Variants in SLC16A12 observed in about 807,000 individuals in gnomAD.
SLC16A12 encodes monocarboxylate transporter 12.
A neutral mutation model predicts 42.4 loss-of-function variants in SLC16A12; 17 were observed. That is an observed-to-expected ratio of 0.40 (90% CI 0.27 to 0.60). The LOEUF (loss-of-function observed/expected upper bound fraction) is 0.60. SLC16A12 is among the 20% of genes least tolerant of loss of function. The pLI, the probability that SLC16A12 is intolerant of heterozygous loss-of-function variation, is 0.42. For synonymous variants in SLC16A12, 224 were observed against 229.4 expected (o/e 0.98, Z 0.21); for missense variants, 544 against 623.0 (o/e 0.87, Z 1.35).
rs193142267 is a variant in SLC16A12, at chr10:89,535,195, C to T, written c.-187+247G>A. Among the ~76,000 whole-genome samples the T allele has an allele frequency of 1.4e-3, 210 of 152,112 alleles. 2 individuals are homozygous for T. Among genetic ancestry groups the T allele is most frequent in the African/African-American group, 4.7e-3 (196 of 41,484 alleles). ...ACAAGAGATGGAGATCAAAGCCGCT[C>T]GTTCTCCAGCCACCTGCCCAAAAAC... On this transcript the variant is annotated intron_variant, in intron 1 of 7. Coordinates refer to ENST00000371790, the MANE Select transcript of SLC16A12 (RefSeq NM_213606.4).
intron 3 of SLC16A12, 125 bp from the exon 4 acceptor site, chr10:89,443,984 A>G (rs539994792): frequency 2.1e-5 from 15 of 707,230 alleles, no homozygotes; most frequent in Middle Eastern, 2.8e-4. Context: ...AGACCATAAT[A>G]AGTGGGAAAT....
At position 89,513,300 on chromosome 10, in the gene SLC16A12, T is replaced by C. The variant is rs1191334542; in HGVS notation, c.-47+21201A>G. Among the ~76,000 whole-genome samples the C allele has an allele frequency of 2.6e-5, 4 of 152,214 alleles. No individual in the cohort carries two copies. In the East Asian group the frequency reaches 7.7e-4, roughly 29 times the overall value. On this transcript the variant is annotated intron_variant, in intron 2 of 7. Transcript: ENST00000371790. ...ATTTTAATGGTTGCAAAGTATTTGA[T>C]TGTTTGAATGCACTGTAACTGACTT...
rs1295802200 is a variant in SLC16A12 at position 89,554,033 on chromosome 10, G to GAAGA, written c.-47+1845_-47+1848dup. On this transcript the variant is annotated intron_variant, in intron 2 of 2. Coordinates refer to the SLC16A12 transcript ENST00000475682. ...GAAAGAGAGAAAGAAAGAGAGAAAG[G>GAAGA]AAGAAAGAAAGAAAGAAAGAAAGAA... 2.0e-3 allele frequency among the ~76,000 whole-genome samples: 135 copies of GAAGA among 67,582 alleles called. 3 individuals are homozygous for GAAGA. The Middle Eastern group carries it at 0.022, about 11-fold the overall frequency. 44.3% of individuals were successfully genotyped at this position (67,582 alleles called of 152,430 possible).
At chr10:89,459,662 C>T (rs147926133) in intron 3 of SLC16A12, among the ~76,000 whole-genome samples, 30 of 152,180 alleles carry the variant, frequency 2.0e-4, no homozygotes, top group African/African-American at 1.9e-4. Context: ...AAATGTAGGC[C>T]GGGCATGGTG....
chr10:89,436,339 G>T lies in SLC16A12; in HGVS notation c.1029-20C>A. 6.2e-7 allele frequency: 1 copy of T among 1,613,906 alleles called. No homozygotes were observed. The highest frequency in any genetic ancestry group is 1.1e-5 in the South Asian group (1 of 91,050). ...AGACACCTGTAGATTTGAAGAACAA[G>T]AATAAGTGCAGGAGGTACACATTCT... On this transcript the variant is annotated intron_variant, in intron 6 of 7. Coordinates refer to ENST00000371790, the MANE Select transcript of SLC16A12 (RefSeq NM_213606.4).
intron 3 of SLC16A12, among the ~76,000 whole-genome samples, chr10:89,462,012 T>G (rs1223295933): frequency 6.6e-6 from 1 of 152,200 alleles, no homozygotes; most frequent in South Asian, 2.1e-4. Flanking sequence ...ATGGCTGGAA[T>G]AGTCACAGCA....
chr10:89,526,567 A>G (rs1843456270), intron 2 of SLC16A12, among the ~76,000 whole-genome samples: 1 of 152,272 alleles, frequency 6.6e-6, no homozygotes, highest in South Asian at 2.1e-4. Flanking sequence ...CAAATTTGGC[A>G]AGGAACAGGA....
chr10:89,464,090 A>G (rs1589681103), intron 2 of SLC16A12, among the ~76,000 whole-genome samples: 1 of 152,196 alleles, frequency 6.6e-6, no homozygotes, highest in African/African-American at 2.4e-5. Context: ...CATGCTGCAC[A>G]CCTGGAGAAA....
intron 2 of SLC16A12, among the ~76,000 whole-genome samples, chr10:89,472,878 C>T (rs1050958618): frequency 1.3e-5 from 2 of 151,858 alleles, no homozygotes; most frequent in African/African-American, 4.8e-5. Context: ...AGTGCAGTGG[C>T]GCTATCATGG....
chr10:89,488,397 C>CCAGCTCTTTGTTGGT (rs1842795892), intron 2 of SLC16A12, among the ~76,000 whole-genome samples: 1 of 152,138 alleles, frequency 6.6e-6, no homozygotes, highest in Non-Finnish European at 1.5e-5. Flanking sequence ...GATGTGGATG[C>CCAGCTCTTTGTTGGT]CAGCTCTTTG....
intron 2 of SLC16A12, among the ~76,000 whole-genome samples, chr10:89,520,089 G>A (rs996040043): frequency 3.3e-5 from 5 of 151,518 alleles, no homozygotes; most frequent in East Asian, 3.9e-4. Flanking sequence ...CTCCAGTCTC[G>A]GTGACAGAGC....
chr10:89,536,273 G>A (rs1411980334), upstream of SLC16A12, among the ~76,000 whole-genome samples: 1 of 152,154 alleles, frequency 6.6e-6, no homozygotes, highest in African/African-American at 2.4e-5. Context: ...GACCCTGCTA[G>A]CCAATCCTTC....
chr10:89,503,421 C>A (rs918156354), intron 2 of SLC16A12, among the ~76,000 whole-genome samples: 7 of 152,178 alleles, frequency 4.6e-5, no homozygotes, highest in Non-Finnish European at 1.0e-4. Context: ...CCCATAAAAT[C>A]CCATTAACCT....
chr10:89,444,749 C>T (rs1316116694), intron 3 of SLC16A12, among the ~76,000 whole-genome samples: 1 of 152,184 alleles, frequency 6.6e-6, no homozygotes, highest in Non-Finnish European at 1.5e-5. Flanking sequence ...CTCACTGGGA[C>T]TCGTTGGACA....
chr10:89,506,567 T>C (rs1040950370), intron 2 of SLC16A12, among the ~76,000 whole-genome samples: 1 of 152,022 alleles, frequency 6.6e-6, no homozygotes, highest in Admixed American at 6.6e-5. Context: ...ACCCCATCCA[T>C]AGGTCACCAA....
chr10:89,464,009 T>C (rs1842350061), intron 2 of SLC16A12, among the ~76,000 whole-genome samples: 2 of 152,168 alleles, frequency 1.3e-5, no homozygotes, highest in East Asian at 1.9e-4. Flanking sequence ...CTCGTAATTA[T>C]GTCACGTTAT....
chr10:89,433,265 C>T lies in SLC16A12; in HGVS notation c.1350G>A (p.Met450Ile). 6.2e-7 allele frequency: 1 copy of T among 1,614,186 alleles called. No individual in the cohort carries two copies. Among genetic ancestry groups the T allele is most frequent in the Non-Finnish European group, 8.5e-7 (1 of 1,180,040 alleles). Reference protein sequence around the residue: ...TAAFLLCGFSMIFSSVLLGFA... With the variant: ...TAAFLLCGFSIIFSSVLLGFA... ...AGCCAAGCAACACAGAACTAAATATCATTGAAAATCCACAGAGGAGGAATG... is the reference window on the plus strand; with the variant it reads ...AGCCAAGCAACACAGAACTAAATATTATTGAAAATCCACAGAGGAGGAATG... Residue 450 changes from methionine to isoleucine, a missense_variant, in exon 8 of 8, where the codon ATG becomes ATA. Met to Ile is a conservative substitution (Grantham distance 10). Coordinates refer to ENST00000371790, the MANE Select transcript of SLC16A12 (RefSeq NM_213606.4).
chr10:89,535,824 T>G (rs1843649812), upstream of SLC16A12, among the ~76,000 whole-genome samples: 1 of 150,886 alleles, frequency 6.6e-6, no homozygotes, highest in African/African-American at 2.5e-5. Flanking sequence ...GGGAGCGGAC[T>G]GGGCGGAGGC....
chr10:89,436,070 T>C lies in SLC16A12; in HGVS notation c.1278A>G (p.Pro426=), dbSNP rs1426522473. ...TCTCTGGAAACTTACCTGCGATGGG[T>C]GGGCTCACCAAGTATGGCACTGCGT... ...FLHAVPYLVS[P]PIAGRLVDTT... The change falls in exon 7 of 8, where the codon CCA becomes CCG. Residue 426 remains proline (P), a synonymous_variant. Transcript: ENST00000371790. The C allele has an allele frequency of 1.2e-6, 2 of 1,613,858 alleles. No homozygotes were observed. The highest frequency in any genetic ancestry group is 1.1e-5 in the South Asian group (1 of 91,060).
Sources: allele counts gnomAD v4.1 joint callset (sites outside exome capture counted in the v4.1 genomes callset), GRCh38; gene constraint gnomAD v4.1.1; transcripts MANE v1.5; gene names NCBI Gene and HGNC (gene_info 2026-07-23, HGNC 2026-07-21).